CYP26C1: variants seen among roughly 807,000 people sequenced by gnomAD.
CYP26C1 encodes the protein cytochrome P450 26C1.
CYP26C1 carries 41 observed loss-of-function variants against 39.1 expected under a neutral mutation model. The observed-to-expected ratio is 1.05, with a 90% CI of 0.82 to 1.36. The LOEUF is 1.36. Among genes scored for constraint, CYP26C1 ranks in the 40% most tolerant of loss-of-function variants. The probability of loss-of-function intolerance (pLI) is 0.00; values close to 1 mark genes in which losing one functional copy is unlikely to be tolerated. For missense variants in CYP26C1, 833 were observed against 752.0 expected (o/e 1.11, Z -1.26); for synonymous variants, 362 against 350.8 (o/e 1.03, Z -0.36).
rs77811974 is a variant in CYP26C1, at chr10:93,064,016, G to T, written c.706-365G>T. On this transcript the variant is annotated intron_variant, in intron 3 of 5. Coordinates refer to ENST00000651965, the MANE Select transcript of CYP26C1 (RefSeq NM_183374.3). ...TACCCCAGCCTGAGCCTAGTACAGG[G>T]AAAGGGCAATGGGCTGACCCTAGCC... 2,439 of 1,046,562 alleles carry T rather than the reference G, an allele frequency of 2.3e-3. 9 individuals are homozygous for T. The highest frequency in any genetic ancestry group is 0.012 in the African/African-American group (723 of 59,486). The allele number at this position is 1,046,562 out of a possible 1,614,324, so 64.8% of individuals were successfully genotyped here.
chr10:93,063,724 T>C (rs922955743), intron 3 of CYP26C1: 3 of 983,392 alleles, frequency 3.1e-6, no homozygotes, highest in African/African-American at 1.7e-5. Context: ...CAAAGTGTTA[T>C]GATTCTCATT....
In CYP26C1 at chr10:93,069,129, G is replaced by A. The variant is rs930306464; in HGVS notation, c.*432G>A. On this transcript the variant is annotated 3_prime_UTR_variant, in exon 6 of 6. Coordinates refer to ENST00000651965, the MANE Select transcript of CYP26C1 (RefSeq NM_183374.3). ...TGCAGAGACCCGACGCACGCGGTGG[G>A]ACCTGCAACCCTTGTAAGGAAGCGG... is the stretch of plus-strand genomic sequence containing the variant. The A allele has an allele frequency of 1.9e-5, 3 of 158,216 alleles. No individual in the cohort carries two copies. Among genetic ancestry groups the A allele is most frequent in the African/African-American group, 4.8e-5 (2 of 41,740 alleles). 9.8% of individuals were successfully genotyped at this position (158,216 alleles called of 1,614,324 possible).
chr10:93,066,156 C>T lies in CYP26C1; in HGVS notation c.1062C>T (p.Cys354=). 1 of 1,395,744 alleles carries T rather than the reference C, an allele frequency of 7.2e-7. No homozygotes were observed. The highest frequency in any genetic ancestry group is 9.3e-7 in the Non-Finnish European group (1 of 1,074,810). The allele number at this position is 1,395,744 out of a possible 1,614,324, so 86.5% of individuals were successfully genotyped here. ...GSEGPPPDCG[C]EPDLSLAALG... ...AGGGGCCCCCGCCCGACTGCGGCTG[C>T]GAGCCCGACCTCAGCCTCGCGGCGC... The change falls in exon 5 of 6, where the codon TGC becomes TGT. Residue 354 remains cysteine (C), a synonymous_variant. Transcript: ENST00000651965.
chr10:93,068,913 A>T lies in CYP26C1; in HGVS notation c.*216A>T. The T allele has an allele frequency of 5.2e-6, 4 of 774,912 alleles. No homozygotes were observed. Among genetic ancestry groups the T allele is most frequent in the Admixed American group, 8.1e-5 (2 of 24,730 alleles). The allele number at this position is 774,912 out of a possible 1,614,324, so 48.0% of individuals were successfully genotyped here. On this transcript the variant is annotated 3_prime_UTR_variant, in exon 6 of 6. Transcript: ENST00000651965. ...CCAGAGAAGCATCTAAGCCCATGGG[A>T]AGATGCCTTCTGCGCTCCGCGCCCA...
At chr10:93,064,807 G>T (rs1380948772) in intron 4 of CYP26C1, 3 of 1,146,500 alleles carry the variant, frequency 2.6e-6, no homozygotes, top group Non-Finnish European at 3.2e-6. Flanking sequence ...GCCACAAATG[G>T]CTCTCTCTCC....
intron 5 of CYP26C1, among the ~76,000 whole-genome samples, chr10:93,067,672 T>C (rs899032795): frequency 6.6e-6 from 1 of 152,152 alleles, no homozygotes; most frequent in African/African-American, 2.4e-5. Flanking sequence ...TTGGAAGACG[T>C]ATCAAAAAGC....
chr10:93,065,680 A>G (rs1846815402), intron 4 of CYP26C1, among the ~76,000 whole-genome samples: 1 of 152,254 alleles, frequency 6.6e-6, no homozygotes, highest in African/African-American at 2.4e-5. Flanking sequence ...AAGAGTGCTT[A>G]GAGTAAGTTC....
Position 93,064,542 on chromosome 10 carries a change from T to G in CYP26C1, c.861+6T>G. 1 of 1,609,602 alleles carries G rather than the reference T, an allele frequency of 6.2e-7. No individual in the cohort carries two copies. Among genetic ancestry groups the G allele is most frequent in the Non-Finnish European group, 8.5e-7 (1 of 1,176,800 alleles). On this transcript the variant is annotated splice_donor_region_variant and intron_variant, in intron 4 of 5. Coordinates refer to ENST00000651965, the MANE Select transcript of CYP26C1 (RefSeq NM_183374.3). ...CCTCCATGCAGGAGCTGAAGGTAGG[T>G]GCTGACAGGCCGCTCCTTCTCCCCT...
chr10:93,063,630 C>G (rs1220537332), intron 3 of CYP26C1: 1 of 985,500 alleles, frequency 1.0e-6, no homozygotes, highest in African/African-American at 1.7e-5. Flanking sequence ...TTTTCAGTCA[C>G]CTGCATAAAA....
chr10:93,062,579 G>T, intron 2 of CYP26C1, 141 bp from the exon 3 acceptor site: 1 of 756,322 alleles, frequency 1.3e-6, no homozygotes, highest in Non-Finnish European at 2.0e-6. Context: ...GGGGGAAATG[G>T]CGAAAGCAAA....
At position 93,068,373 on chromosome 10, in the gene CYP26C1, C is replaced by G. The variant is rs768629191; in HGVS notation, c.1245C>G (p.His415Gln). 1 of 1,575,828 alleles carries G rather than the reference C, an allele frequency of 6.3e-7. No homozygotes were observed. The highest frequency in any genetic ancestry group is 1.4e-5 in the African/African-American group (1 of 73,002). The change falls in exon 6 of 6, where the codon CAC (histidine) becomes CAG (glutamine). Residue 415 changes from histidine (H) to glutamine (Q), a missense_variant. Coordinates refer to ENST00000651965, the MANE Select transcript of CYP26C1 (RefSeq NM_183374.3). Reference sequence around the variant, plus strand: ...TGATGTATAGCATCCGGGACACGCACGAGACGGCTGCGGTGTACCGCAGCC... The same window carrying G: ...TGATGTATAGCATCCGGGACACGCAGGAGACGGCTGCGGTGTACCGCAGCC... The part of the protein sequence containing the change: ...WSVMYSIRDT[H>Q]ETAAVYRSPP...
Position 93,068,480 on chromosome 10 carries a change from C to T in CYP26C1, c.1352C>T (p.Pro451Leu). 3 of 1,609,844 alleles carry T rather than the reference C, an allele frequency of 1.9e-6. No individual in the cohort carries two copies. In the Middle Eastern group the frequency reaches 5.0e-4, roughly 266 times the overall value. The change falls in exon 6 of 6, where the codon CCG (proline) becomes CTG (leucine). Residue 451 changes from proline to leucine, a missense_variant. Pro to Leu is a moderately conservative substitution (Grantham distance 98). Coordinates refer to ENST00000651965, the MANE Select transcript of CYP26C1 (RefSeq NM_183374.3). ...GCCTCCAGCCGCTTCCATTACATCC[C>T]GTTCGGCGGCGGTGCGCGCAGCTGC... ...RGASSRFHYI[P>L]FGGGARSCLG...
Position 93,068,881 on chromosome 10 carries a change from T to G in CYP26C1, c.*184T>G. 1 of 1,075,740 alleles carries G rather than the reference T, an allele frequency of 9.3e-7. No homozygotes were observed. The highest frequency in any genetic ancestry group is 1.3e-6 in the Non-Finnish European group (1 of 798,906). 66.6% of individuals were successfully genotyped at this position (1,075,740 alleles called of 1,614,324 possible). On this transcript the variant is annotated 3_prime_UTR_variant, in exon 6 of 6. Transcript: ENST00000651965. ...AGGAAGGAGGAGGGCGAGCCACCGC[T>G]GCCGCGCCAGAGAAGCATCTAAGCC...
Position 93,061,145 on chromosome 10 carries a change from C to T in CYP26C1, c.-119C>T, listed in dbSNP as rs1846740576. 2.8e-6 allele frequency: 3 copies of T among 1,065,136 alleles called. No homozygotes were observed. The highest frequency in any genetic ancestry group is 4.0e-6 in the Non-Finnish European group (3 of 743,384). 66.0% of individuals were successfully genotyped at this position (1,065,136 alleles called of 1,614,324 possible). A position where few individuals can be genotyped will look rare whatever the true frequency, so the allele number is the denominator to read the frequency against. On this transcript the variant is annotated 5_prime_UTR_variant, in exon 1 of 6. Transcript: ENST00000651965. ...TGAGCTTATAAATCTCGGGCTTTGC[C>T]CCCAAACCCCAGGCCTTTTGCGGAC... is the stretch of plus-strand genomic sequence containing the variant.
chr10:93,068,658 C>T lies in CYP26C1; in HGVS notation c.1530C>T (p.Pro510=), dbSNP rs758329980. 1 of 1,585,612 alleles carries T rather than the reference C, an allele frequency of 6.3e-7. No individual in the cohort carries two copies. The highest frequency in any genetic ancestry group is 8.6e-7 in the Non-Finnish European group (1 of 1,163,606). ...PVDGLRLFFH[P]LTPSVAGNGL... ...ACGGGCTGCGGCTCTTTTTCCACCC[C>T]CTCACGCCTTCGGTTGCGGGGAATG... Residue 510 remains proline (P), a synonymous_variant, in exon 6 of 6, where the codon CCC becomes CCT. Coordinates refer to ENST00000651965, the MANE Select transcript of CYP26C1 (RefSeq NM_183374.3).
In CYP26C1 at chr10:93,066,084, G is replaced by T. The variant is rs1033298701; in HGVS notation, c.990G>T (p.Gly330=). 5.1e-6 allele frequency: 7 copies of T among 1,374,968 alleles called. No homozygotes were observed. Among genetic ancestry groups the T allele is most frequent in the Admixed American group, 3.6e-5 (1 of 27,966 alleles). The allele number at this position is 1,374,968 out of a possible 1,614,324, so 85.2% of individuals were successfully genotyped here. Residue 330 remains glycine, a synonymous_variant, in exon 5 of 6, where the codon GGG becomes GGT. Coordinates refer to ENST00000651965, the MANE Select transcript of CYP26C1 (RefSeq NM_183374.3). ...AKIREELVAQ[G]LGRACGCAPG... is the part of the protein sequence containing the mutation. ...TTCGGGAGGAGCTGGTGGCGCAGGG[G>T]CTGGGGCGCGCGTGCGGCTGCGCGC...
intron 3 of CYP26C1, chr10:93,064,106 C>T: frequency 8.2e-7 from 1 of 1,214,006 alleles, no homozygotes; most frequent in South Asian, 2.0e-5. Context: ...TGCTTGACCT[C>T]TCTGAACTTC....
intron 3 of CYP26C1, chr10:93,063,777 C>T (rs889712266): frequency 2.0e-6 from 2 of 983,002 alleles, no homozygotes; most frequent in Non-Finnish European, 1.2e-6. Context: ...AAGATCACAC[C>T]GTTAGTAGGG....
chr10:93,062,159 G>A lies in CYP26C1; in HGVS notation c.354G>A (p.Pro118=), dbSNP rs199615649. ...GEHRLVRSQW[P]QSAHILLGSH... ...ACCGCCTGGTGCGCAGCCAGTGGCC[G>A]CAGAGTGCGCACATCCTGCTGGGCT... is the stretch of plus-strand genomic sequence containing the variant. The change falls in exon 2 of 6, where the codon CCG becomes CCA. Residue 118 remains proline (P), a synonymous_variant. Coordinates refer to ENST00000651965, the MANE Select transcript of CYP26C1 (RefSeq NM_183374.3). 2.6e-6 allele frequency: 4 copies of A among 1,540,414 alleles called. No homozygotes were observed. The highest frequency in any genetic ancestry group is 1.2e-5 in the South Asian group (1 of 84,008).
Sources: allele counts gnomAD v4.1 joint callset (sites outside exome capture counted in the v4.1 genomes callset), GRCh38; gene constraint gnomAD v4.1.1; transcripts MANE v1.5; gene names NCBI Gene and HGNC (gene_info 2026-07-23, HGNC 2026-07-21).